The following FAM227B variants were observed in gnomAD, a reference collection of about 807,000 sequenced individuals.
The protein encoded by FAM227B is family with sequence similarity 227 member B.
FAM227B carries 88 observed loss-of-function variants against 73.8 expected under a neutral mutation model. The observed-to-expected ratio is 1.19, with a 90% CI of 1.00 to 1.42. The LOEUF (loss-of-function observed/expected upper bound fraction) is 1.42, where lower values mean the gene tolerates loss of function less well. FAM227B is among the 40% of genes most tolerant of loss of function. The pLI, the probability that FAM227B is intolerant of heterozygous loss-of-function variation, is 0.00. For synonymous variants in FAM227B, 210 were observed against 190.5 expected (o/e 1.10, Z -0.84); for missense variants, 632 against 590.9 (o/e 1.07, Z -0.72).
At chr15:49,569,036 G>T (rs1262440082) in intron 8 of FAM227B, among the ~76,000 whole-genome samples, 1 of 151,794 alleles carries the variant, frequency 6.6e-6, no homozygotes, top group African/African-American at 2.4e-5. Context: ...GGAGGTTTTT[G>T]ATTACTGATT....
intron 10 of FAM227B, among the ~76,000 whole-genome samples, chr15:49,519,735 T>A (rs1440290582): frequency 6.6e-6 from 1 of 152,180 alleles, no homozygotes; most frequent in Non-Finnish European, 1.5e-5. Flanking sequence ...CAGCTTGTGA[T>A]GAGAGGGGCT....
chr15:49,599,712 A>G (rs780807405), intron 3 of FAM227B, among the ~76,000 whole-genome samples: 2 of 152,068 alleles, frequency 1.3e-5, no homozygotes, highest in East Asian at 3.8e-4. Flanking sequence ...ATTTTGTTCA[A>G]TTTCCAGTTC....
intron 11 of FAM227B, among the ~76,000 whole-genome samples, chr15:49,440,210 T>C (rs76343116): frequency 0.023 from 3,538 of 151,906 alleles, 88 homozygotes; most frequent in South Asian, 0.13. Flanking sequence ...ACAATATGCA[T>C]TATTACTGTG....
intron 10 of FAM227B, among the ~76,000 whole-genome samples, chr15:49,516,708 G>A (rs1002204033): frequency 6.6e-6 from 1 of 151,922 alleles, no homozygotes; most frequent in Non-Finnish European, 1.5e-5. Flanking sequence ...GGTGGGCAGA[G>A]GCAGTCTTCA....
At chr15:49,431,697 T>C (rs1162243227) in intron 11 of FAM227B, among the ~76,000 whole-genome samples, 1 of 151,638 alleles carries the variant, frequency 6.6e-6, no homozygotes. Context: ...AATATCTTTG[T>C]GAACAGGAGG....
At chr15:49,479,601 T>G (rs2055713566) in intron 11 of FAM227B, among the ~76,000 whole-genome samples, 1 of 26,310 alleles carries the variant, frequency 3.8e-5, no homozygotes, top group Non-Finnish European at 1.0e-4. Flanking sequence ...ATACCTCTGT[T>G]TTTTTTTTTT....
intron 11 of FAM227B, among the ~76,000 whole-genome samples, chr15:49,373,240 A>G (rs2151486397): frequency 6.6e-6 from 1 of 152,254 alleles, no homozygotes; most frequent in South Asian, 2.1e-4. Context: ...AGATAGTAGT[A>G]TACATTAATA....
intron 13 of FAM227B, among the ~76,000 whole-genome samples, chr15:49,355,436 G>A (rs2042983119): frequency 6.6e-6 from 1 of 152,202 alleles, no homozygotes; most frequent in African/African-American, 2.4e-5. Context: ...AGAACTACGT[G>A]AAGAATGCAG....
At chr15:49,564,347 A>C (rs2074476651) in intron 9 of FAM227B, among the ~76,000 whole-genome samples, 1 of 152,236 alleles carries the variant, frequency 6.6e-6, no homozygotes, top group Non-Finnish European at 1.5e-5. Context: ...GATGCTGGCA[A>C]GGCTGCAGAG....
chr15:49,354,574 C>T (rs142896175), intron 13 of FAM227B, among the ~76,000 whole-genome samples: 3,443 of 152,328 alleles, frequency 0.023, 106 homozygotes, highest in South Asian at 0.077. Context: ...GATTATATCC[C>T]GCACCTGGCT....
chr15:49,355,945 T>G (rs867896519), intron 13 of FAM227B, among the ~76,000 whole-genome samples: 3,044 of 151,212 alleles, frequency 0.02, 41 homozygotes, highest in Middle Eastern at 0.031. Context: ...TCAACATTCT[T>G]AAAGAAAAGA....
intron 5 of FAM227B, among the ~76,000 whole-genome samples, chr15:49,581,817 G>A (rs1407457711): frequency 6.6e-6 from 1 of 152,130 alleles, no homozygotes; most frequent in African/African-American, 2.4e-5. Context: ...AGCCACCAGA[G>A]AAACATATTT....
chr15:49,365,705 T>G, intron 13 of FAM227B: 1 of 910,102 alleles, frequency 1.1e-6, no homozygotes. Context: ...TTAATTAAAT[T>G]CAGACAGAAA....
chr15:49,598,739 G>A (rs879526322), intron 3 of FAM227B, among the ~76,000 whole-genome samples: 12 of 151,834 alleles, frequency 7.9e-5, no homozygotes, highest in Non-Finnish European at 1.6e-4. Context: ...TGCTAATGTG[G>A]TTTATCACAT....
At chr15:49,517,435 A>G (rs1308300654) in intron 10 of FAM227B, among the ~76,000 whole-genome samples, 1 of 152,204 alleles carries the variant, frequency 6.6e-6, no homozygotes. Context: ...TTCTTTCAAC[A>G]AGTGCTTTTG....
chr15:49,540,850 T>C (rs2070968843), intron 10 of FAM227B, among the ~76,000 whole-genome samples: 1 of 152,186 alleles, frequency 6.6e-6, no homozygotes, highest in Non-Finnish European at 1.5e-5. Context: ...TTGAATTAAT[T>C]TGATTTTTTA....
At chr15:49,409,544 AAT>A (rs543516166) in intron 11 of FAM227B, among the ~76,000 whole-genome samples, 4 of 149,710 alleles carry the variant, frequency 2.7e-5, no homozygotes, top group African/African-American at 4.9e-5. Context: ...TATAAATAGG[AAT>A]ATATATATAT....
At chr15:49,593,579 G>A (rs2152417268) in intron 3 of FAM227B, among the ~76,000 whole-genome samples, 1 of 151,990 alleles carries the variant, frequency 6.6e-6, no homozygotes, top group African/African-American at 2.4e-5. Context: ...GTAGTCTTTT[G>A]TACCTCAACC....
chr15:49,396,155 G>C (rs995287824), intron 11 of FAM227B: 2 of 357,996 alleles, frequency 5.6e-6, no homozygotes, highest in Non-Finnish European at 1.1e-5. Flanking sequence ...TGTGCGAGCC[G>C]AAGCAGGGCG....
Sources: allele counts gnomAD v4.1 joint callset (sites outside exome capture counted in the v4.1 genomes callset), GRCh38; gene constraint gnomAD v4.1.1; transcripts MANE v1.5; gene names NCBI Gene and HGNC (gene_info 2026-07-23, HGNC 2026-07-21).